The following RARB variants were observed in gnomAD, a reference collection of about 807,000 sequenced individuals.
RARB encodes HBV-activated protein.
A neutral mutation model predicts 51.9 loss-of-function variants in RARB; 17 were observed. That is an observed-to-expected ratio of 0.33 (90% CI 0.22 to 0.49). The LOEUF (loss-of-function observed/expected upper bound fraction) is 0.49, where lower values mean the gene tolerates loss of function less well. RARB is among the 20% of genes least tolerant of loss of function. The probability of loss-of-function intolerance (pLI) is 0.99; values close to 1 mark genes in which losing one functional copy is unlikely to be tolerated. For missense variants in RARB, 369 were observed against 550.8 expected (o/e 0.67, Z 3.30); for synonymous variants, 215 against 195.4 (o/e 1.10, Z -0.84).
intron 5 of RARB, among the ~76,000 whole-genome samples, chr3:25,265,228 G>A (rs553259176): frequency 1.7e-4 from 26 of 152,136 alleles, no homozygotes; most frequent in South Asian, 4.2e-4. Context: ...CTTATATTCC[G>A]TTTTCTACTA....
intron 3 of RARB, among the ~76,000 whole-genome samples, chr3:25,549,906 GTC>G (rs543730295): frequency 2.6e-5 from 4 of 151,294 alleles, no homozygotes; most frequent in Non-Finnish European, 5.9e-5. Context: ...AAGCCCAGCT[GTC>G]TCTCTCTCTC....
At chr3:25,369,987 C>A (rs1395540456) in intron 5 of RARB, among the ~76,000 whole-genome samples, 1 of 152,064 alleles carries the variant, frequency 6.6e-6, no homozygotes. Flanking sequence ...CCTAAGTGTT[C>A]ATCTTCTAGT....
intron 5 of RARB, among the ~76,000 whole-genome samples, chr3:25,272,487 T>G (rs1451705536): frequency 6.6e-6 from 1 of 152,218 alleles, no homozygotes; most frequent in South Asian, 2.1e-4. Context: ...GCCCTGCCTT[T>G]GAAAGCTGGA....
chr3:25,242,606 T>C (rs1013012165), intron 5 of RARB, among the ~76,000 whole-genome samples: 1 of 152,170 alleles, frequency 6.6e-6, no homozygotes, highest in African/African-American at 2.4e-5. Flanking sequence ...TCATCAAAGA[T>C]CAGATGGTTG....
chr3:25,420,991 C>CAAAA (rs1204249206), intron 5 of RARB, among the ~76,000 whole-genome samples: 2 of 126,266 alleles, frequency 1.6e-5, no homozygotes, highest in African/African-American at 5.7e-5. Context: ...CCACTTATGC[C>CAAAA]AAAAAAAAAA....
rs182666697 is a variant in RARB at position 25,562,770 on chromosome 3, A to G, written c.449-6988A>G. ...TGCTTGTCTGAAAATGAATGCGACCACAGTAGGGCTGCCCTTACCAGCCCA... is the reference window on the plus strand; with the variant it reads ...TGCTTGTCTGAAAATGAATGCGACCGCAGTAGGGCTGCCCTTACCAGCCCA... On this transcript the variant is annotated intron_variant, in intron 3 of 7. Transcript: ENST00000330688. Among the ~76,000 whole-genome samples, 12 of 152,322 alleles carry G rather than the reference A, an allele frequency of 7.9e-5. No homozygotes were observed. The East Asian group carries it at 2.3e-3, about 29-fold the overall frequency.
intron 4 of RARB, among the ~76,000 whole-genome samples, chr3:25,162,920 C>A (rs1269352520): frequency 1.3e-5 from 2 of 152,160 alleles, no homozygotes; most frequent in African/African-American, 2.4e-5. Context: ...TTTTCAATTC[C>A]CTTGACTGTA....
intron 3 of RARB, among the ~76,000 whole-genome samples, chr3:25,127,675 CGAAG>C (rs1350204123): frequency 2.0e-5 from 3 of 151,780 alleles, no homozygotes; most frequent in Non-Finnish European, 2.9e-5. Flanking sequence ...AGAAAAGAAA[CGAAG>C]GAGCGAAGGA....
At chr3:25,566,883 G>T (rs1168095838) in intron 3 of RARB, among the ~76,000 whole-genome samples, 2 of 152,096 alleles carry the variant, frequency 1.3e-5, no homozygotes, top group Non-Finnish European at 2.9e-5. Context: ...GGTATTGTTG[G>T]GCCTCAAGTT....
chr3:25,284,363 T>G (rs1703598505), intron 5 of RARB, among the ~76,000 whole-genome samples: 1 of 152,104 alleles, frequency 6.6e-6, no homozygotes, highest in Admixed American at 6.5e-5. Flanking sequence ...AAATAATAAA[T>G]GCTGTTGTTT....
At chr3:25,150,716 C>G (rs1404904184) in intron 4 of RARB, among the ~76,000 whole-genome samples, 7 of 152,038 alleles carry the variant, frequency 4.6e-5, no homozygotes, top group Non-Finnish European at 8.8e-5. Context: ...TTCCAGGAGA[C>G]CAGGAAAGAA....
chr3:25,057,211 C>T (rs925840156), intron 2 of RARB, among the ~76,000 whole-genome samples: 6 of 152,024 alleles, frequency 3.9e-5, no homozygotes, highest in African/African-American at 9.7e-5. Context: ...CAAACCAGCC[C>T]GTGTTGGCAG....
At chr3:25,329,269 C>T (rs1704819276) in intron 5 of RARB, among the ~76,000 whole-genome samples, 1 of 152,162 alleles carries the variant, frequency 6.6e-6, no homozygotes, top group Admixed American at 6.5e-5. Context: ...GGGGAGGCAC[C>T]ACCCAGTAGG....
At chr3:25,058,636 G>T (rs141735759) in intron 2 of RARB, among the ~76,000 whole-genome samples, 1 of 151,500 alleles carries the variant, frequency 6.6e-6, no homozygotes, top group Non-Finnish European at 1.5e-5. Flanking sequence ...AATAAGAGGG[G>T]CATGAGTGGG....
intron 5 of RARB, among the ~76,000 whole-genome samples, chr3:25,205,017 C>A (rs994802334): frequency 6.6e-6 from 1 of 152,142 alleles, no homozygotes; most frequent in Non-Finnish European, 1.5e-5. Flanking sequence ...TGCCTTGCCC[C>A]CAGAGGTGGA....
intron 2 of RARB, among the ~76,000 whole-genome samples, chr3:24,958,232 C>G (rs1209628782): frequency 1.5e-5 from 2 of 133,310 alleles, no homozygotes; most frequent in Admixed American, 1.7e-4. Context: ...TGAGGAAGAC[C>G]TGAAGCTTCC....
chr3:25,336,770 G>A (rs1230899698), intron 5 of RARB, among the ~76,000 whole-genome samples: 11 of 152,066 alleles, frequency 7.2e-5, no homozygotes, highest in Admixed American at 4.6e-4. Flanking sequence ...AAGCAATACC[G>A]GGAGAATTGG....
chr3:25,468,365 A>ATTTGGGC (rs1193752326), intron 2 of RARB, among the ~76,000 whole-genome samples: 3 of 124,598 alleles, frequency 2.4e-5, no homozygotes, highest in African/African-American at 9.8e-5. Flanking sequence ...TACACTAGGC[A>ATTTGGGC]TTTGGGCTTT....
At chr3:25,083,544 G>T (rs1309409751) in intron 3 of RARB, among the ~76,000 whole-genome samples, 1 of 151,990 alleles carries the variant, frequency 6.6e-6, no homozygotes, top group Non-Finnish European at 1.5e-5. Flanking sequence ...AACTCATTAT[G>T]TCCATCTTTT....
Sources: gnomAD v4.1 joint callset for allele counts (sites outside exome capture counted in the v4.1 genomes callset) on GRCh38, gnomAD v4.1.1 for gene constraint, MANE v1.5 for transcripts, NCBI Gene and HGNC (gene_info 2026-07-23, HGNC 2026-07-21) for gene names.